ASPH: variants seen among roughly 807,000 people sequenced by gnomAD.
ASPH encodes the protein aspartate beta-hydroxylase.
ASPH carries 100 observed loss-of-function variants against 118.4 expected under a neutral mutation model. That is an observed-to-expected ratio of 0.84 (90% CI 0.72 to 1.00). The LOEUF is 1.00. Ranked by LOEUF, ASPH falls within the 50% of genes least tolerant of loss-of-function variation. The pLI is 0.00. For synonymous variants in ASPH, 315 were observed against 325.6 expected (o/e 0.97, Z 0.35); for missense variants, 920 against 919.5 (o/e 1.00, Z -0.01).
In ASPH at chr8:61,652,587, G is replaced by A. The variant is rs561032678; in HGVS notation, c.415+981C>T. 6.6e-5 allele frequency among the ~76,000 whole-genome samples: 10 copies of A among 152,182 alleles called. No individual in the cohort carries two copies. The East Asian group carries it at 9.6e-4, about 15-fold the overall frequency. On this transcript the variant is annotated intron_variant, in intron 4 of 24. Transcript: ENST00000379454. Reference sequence around the variant, plus strand: ...AATAGTGGATTCTTCTTTCAAAATCGTGGCTGTTGTAGAGGGGAGAGGGAT... The same window carrying A: ...AATAGTGGATTCTTCTTTCAAAATCATGGCTGTTGTAGAGGGGAGAGGGAT...
intron 3 of ASPH, chr8:61,657,614 T>C (rs1210843605): frequency 2.0e-5 from 3 of 152,190 alleles, no homozygotes; most frequent in Non-Finnish European, 4.4e-5. Flanking sequence ...ATGAGGCATG[T>C]GACTGTACGA....
At chr8:61,712,015 A>G (rs1178558288) in intron 1 of ASPH, among the ~76,000 whole-genome samples, 1 of 152,242 alleles carries the variant, frequency 6.6e-6, no homozygotes, top group Non-Finnish European at 1.5e-5. Context: ...CCTAAAATTC[A>G]AGCATGGCAA....
At chr8:61,556,733 T>C (rs188114837) in intron 18 of ASPH, among the ~76,000 whole-genome samples, 43 of 152,370 alleles carry the variant, frequency 2.8e-4, no homozygotes, top group Non-Finnish European at 5.6e-4. Context: ...CTTGAAAAGC[T>C]ACTTAGACAA....
At chr8:61,700,488 T>G (rs1252120207) in intron 1 of ASPH, among the ~76,000 whole-genome samples, 1 of 152,218 alleles carries the variant, frequency 6.6e-6, no homozygotes, top group African/African-American at 2.4e-5. Flanking sequence ...GCAAACAGAT[T>G]AATCTATCCC....
chr8:61,522,509 T>C (rs1489996246), intron 22 of ASPH, among the ~76,000 whole-genome samples: 4 of 152,324 alleles, frequency 2.6e-5, no homozygotes, highest in Non-Finnish European at 4.4e-5. Flanking sequence ...TCTTGAATTA[T>C]AGTTCCCATA....
At chr8:61,580,539 T>C (rs1369611078) in intron 15 of ASPH, among the ~76,000 whole-genome samples, 3 of 152,212 alleles carry the variant, frequency 2.0e-5, no homozygotes, top group Non-Finnish European at 4.4e-5. Context: ...GAGAACTTTG[T>C]TCTCTCGCAG....
intron 3 of ASPH, chr8:61,664,256 A>G (rs1200083977): frequency 3.1e-6 from 3 of 968,720 alleles, no homozygotes; most frequent in African/African-American, 1.8e-5. Context: ...TACATTTGCA[A>G]TTCCTTAGAA....
At chr8:61,562,454 T>C (rs1049569007) in intron 18 of ASPH, among the ~76,000 whole-genome samples, 16 of 150,446 alleles carry the variant, frequency 1.1e-4, no homozygotes, top group Non-Finnish European at 2.2e-4. Context: ...CTTCCTGTCA[T>C]GAAGAACAAT....
intron 10 of ASPH, among the ~76,000 whole-genome samples, chr8:61,638,644 C>T (rs551374478): frequency 1.4e-4 from 22 of 152,148 alleles, no homozygotes; most frequent in Admixed American, 2.6e-4. Context: ...TTGAATTAGC[C>T]GAAGCTGTAC....
At chr8:61,604,012 T>C (rs181719339) in intron 14 of ASPH, among the ~76,000 whole-genome samples, 2 of 152,234 alleles carry the variant, frequency 1.3e-5, no homozygotes, top group African/African-American at 4.8e-5. Context: ...TGAAAAATCT[T>C]GTGGAATTCT....
chr8:61,500,861 T>C lies in ASPH; in HGVS notation c.*2498A>G, dbSNP rs1804755492. 6.6e-6 allele frequency: 1 copy of C among 152,228 alleles called. No individual in the cohort carries two copies. The highest frequency in any genetic ancestry group is 1.5e-5 in the Non-Finnish European group (1 of 68,038). 9.4% of individuals were successfully genotyped at this position (152,228 alleles called of 1,614,324 possible). A position where few individuals can be genotyped will look rare whatever the true frequency, so the allele number is the denominator to read the frequency against. On this transcript the variant is annotated 3_prime_UTR_variant, in exon 25 of 25. Transcript: ENST00000379454. Reference sequence around the variant, plus strand: ...TATTTGGGAGAGTTAATTTGTTAGCTAAATAATTCAAGGGAAAGAGATTAT... The same window carrying C: ...TATTTGGGAGAGTTAATTTGTTAGCCAAATAATTCAAGGGAAAGAGATTAT...
chr8:61,696,509 T>G (rs1157677528), intron 1 of ASPH, among the ~76,000 whole-genome samples: 1 of 152,166 alleles, frequency 6.6e-6, no homozygotes, highest in African/African-American at 2.4e-5. Context: ...GAATTTGTGA[T>G]GGACCCAAAC....
chr8:61,576,913 A>G (rs765678053), intron 15 of ASPH, 55 bp from the exon 16 acceptor site: 1 of 1,405,304 alleles, frequency 7.1e-7, no homozygotes, highest in African/African-American at 1.4e-5. Flanking sequence ...ATAATCAATC[A>G]ATATTGTTAT....
chr8:61,601,736 G>T (rs970165086), intron 14 of ASPH, among the ~76,000 whole-genome samples: 1 of 151,132 alleles, frequency 6.6e-6, no homozygotes, highest in East Asian at 1.9e-4. Flanking sequence ...CCACCAGACC[G>T]ATCAAGAAAA....
At chr8:61,558,036 T>C (rs1050301837) in intron 18 of ASPH, among the ~76,000 whole-genome samples, 2 of 152,220 alleles carry the variant, frequency 1.3e-5, no homozygotes, top group Non-Finnish European at 2.9e-5. Flanking sequence ...CACAGAACTC[T>C]TCCAGGCCCT....
At chr8:61,664,555 T>C (rs1740754770) in intron 3 of ASPH, 1 of 984,508 alleles carries the variant, frequency 1.0e-6, no homozygotes, top group Non-Finnish European at 1.2e-6. Context: ...AAGGGTGAGG[T>C]TGTTGTAGGG....
chr8:61,698,766 GT>G (rs1834544078), intron 1 of ASPH, among the ~76,000 whole-genome samples: 1 of 152,140 alleles, frequency 6.6e-6, no homozygotes, highest in Non-Finnish European at 1.5e-5. Context: ...GACCACAAGG[GT>G]TTTAGGAGAT....
chr8:61,575,064 A>G (rs1319640224), intron 16 of ASPH, among the ~76,000 whole-genome samples: 2 of 152,088 alleles, frequency 1.3e-5, no homozygotes, highest in Admixed American at 1.3e-4. Context: ...TCCTGCTAGT[A>G]ATATAACCTC....
chr8:61,523,318 TTC>T (rs1216671695), intron 22 of ASPH, among the ~76,000 whole-genome samples: 67 of 125,982 alleles, frequency 5.3e-4, no homozygotes, highest in Middle Eastern at 7.8e-3. Flanking sequence ...CTTTCTTTCT[TTC>T]TTTTTTTTTT....
Sources: allele counts gnomAD v4.1 joint callset (sites outside exome capture counted in the v4.1 genomes callset), GRCh38; gene constraint gnomAD v4.1.1; transcripts MANE v1.5; gene names NCBI Gene and HGNC (gene_info 2026-07-23, HGNC 2026-07-21).